The following CYP26B1 variants were observed in gnomAD, a reference collection of about 807,000 sequenced individuals.
CYP26B1 encodes cytochrome P450 family 26 subfamily B member 1, also known as cytochrome P450 26B1.
A neutral mutation model predicts 39.1 loss-of-function variants in CYP26B1; 8 were observed. The ratio of observed to expected loss-of-function variants is 0.20; its 90% CI spans 0.12 to 0.37. CYP26B1 has a LOEUF of 0.37. Among genes scored for constraint, CYP26B1 ranks in the 10% least tolerant of loss-of-function variants. The probability of loss-of-function intolerance (pLI) is 1.00; values close to 1 mark genes in which losing one functional copy is unlikely to be tolerated. For synonymous variants in CYP26B1, 321 were observed against 314.3 expected (o/e 1.02, Z -0.23); for missense variants, 615 against 707.0 (o/e 0.87, Z 1.48).
Position 72,144,307 on chromosome 2 carries a change from C to T in CYP26B1, c.205-94G>A, listed in dbSNP as rs542940279. The stretch of plus-strand genomic sequence containing the variant: ...GGACCCCAACCCGGGGTACAGTCAC[C>T]TGCCCCCTCTCCCCACCAAACACAC... On this transcript the variant is annotated intron_variant, in intron 1 of 5. Transcript: ENST00000001146. 88 of 1,525,068 alleles carry T rather than the reference C, an allele frequency of 5.8e-5. 1 individual carries two copies. The Admixed American group carries it at 7.6e-4, about 13-fold the overall frequency. 94.5% of individuals were successfully genotyped at this position (1,525,068 alleles called of 1,614,324 possible).
In CYP26B1 at chr2:72,130,545, G is replaced by A. The variant is rs1392498679; in HGVS notation, c.*1682C>T. The A allele has an allele frequency of 2.0e-5, 3 of 152,136 alleles. No homozygotes were observed. Among genetic ancestry groups the A allele is most frequent in the Non-Finnish European group, 4.4e-5 (3 of 68,026 alleles). 9.4% of individuals were successfully genotyped at this position (152,136 alleles called of 1,614,324 possible). On this transcript the variant is annotated 3_prime_UTR_variant, in exon 6 of 6. Coordinates refer to ENST00000001146, the MANE Select transcript of CYP26B1 (RefSeq NM_019885.4). ...GAGCCACTGAGGTGCTCACAGCAGC[G>A]ATCGGGGACTGGCATGTCCTTCATT...
intron 1 of CYP26B1, among the ~76,000 whole-genome samples, chr2:72,145,821 C>T (rs1365799461): frequency 6.6e-6 from 1 of 152,024 alleles, no homozygotes; most frequent in Non-Finnish European, 1.5e-5. Flanking sequence ...TTCATAGGGG[C>T]GGCCGCTCGG....
intron 2 of CYP26B1, 90 bp from the exon 3 acceptor site, chr2:72,135,509 G>A: frequency 9.0e-6 from 14 of 1,562,374 alleles, no homozygotes; most frequent in Non-Finnish European, 1.2e-5. Flanking sequence ...AATGTGACTG[G>A]AGAGAACTTC....
Position 72,129,456 on chromosome 2 carries a change from A to G in CYP26B1, c.*2771T>C, listed in dbSNP as rs1378347420. Reference sequence around the variant, plus strand: ...ATTAAAACGACTGTGATAAAAACATATTAATATTTTGAACCATGTTTACAA... The same window carrying G: ...ATTAAAACGACTGTGATAAAAACATGTTAATATTTTGAACCATGTTTACAA... On this transcript the variant is annotated 3_prime_UTR_variant, in exon 6 of 6. Coordinates refer to ENST00000001146, the MANE Select transcript of CYP26B1 (RefSeq NM_019885.4). The G allele has an allele frequency of 6.5e-6, 1 of 152,672 alleles. No individual in the cohort carries two copies. Among genetic ancestry groups the G allele is most frequent in the Non-Finnish European group, 1.5e-5 (1 of 68,042 alleles). The allele number at this position is 152,672 out of a possible 1,614,324, so 9.5% of individuals were successfully genotyped here.
At position 72,144,003 on chromosome 2, in the gene CYP26B1, G is replaced by T; in HGVS notation, c.415C>A (p.Arg139Ser). The T allele has an allele frequency of 1.2e-6, 2 of 1,613,580 alleles. No homozygotes were observed. The highest frequency in any genetic ancestry group is 1.7e-6 in the Non-Finnish European group (2 of 1,180,014). ...AGAGTTCTTACCTTGCGCTTGTTGC[G>T]GTGGATGTCGCCAATGGAATTGGAC... is the stretch of plus-strand genomic sequence containing the variant. ...TVSNSIGDIH[R>S]NKRKVFSKIF... The change falls in exon 2 of 6, where the codon CGC becomes AGC. Residue 139 changes from arginine (R) to serine (S), a missense_variant. Coordinates refer to ENST00000001146, the MANE Select transcript of CYP26B1 (RefSeq NM_019885.4).
chr2:72,133,001 G>A (rs753717016), intron 5 of CYP26B1, 22 bp downstream of exon 5: 24 of 1,612,876 alleles, frequency 1.5e-5, no homozygotes, highest in African/African-American at 6.7e-5. Context: ...CATCGCCCCC[G>A]GTGCCACGGG....
chr2:72,137,330 C>T (rs528591682), intron 2 of CYP26B1, among the ~76,000 whole-genome samples: 53 of 152,220 alleles, frequency 3.5e-4, no homozygotes, highest in Non-Finnish European at 5.1e-4. Context: ...TGGCTATCTG[C>T]TCCCCCAAGC....
At chr2:72,134,180 C>T (rs928226346) in intron 4 of CYP26B1, among the ~76,000 whole-genome samples, 3 of 152,194 alleles carry the variant, frequency 2.0e-5, no homozygotes, top group African/African-American at 7.2e-5. Flanking sequence ...TGTCCATGGG[C>T]ACCCAGCAGT....
intron 2 of CYP26B1, among the ~76,000 whole-genome samples, chr2:72,135,862 A>C (rs1676756913): frequency 6.6e-6 from 1 of 152,150 alleles, no homozygotes; most frequent in Non-Finnish European, 1.5e-5. Flanking sequence ...CTGGGTGCAG[A>C]TTCTAGTAAG....
chr2:72,132,959 G>C (rs1261527097), intron 5 of CYP26B1, 64 bp downstream of exon 5: 7 of 1,607,458 alleles, frequency 4.4e-6, no homozygotes, highest in Non-Finnish European at 5.9e-6. Flanking sequence ...CTGGTGCCCC[G>C]CCTTGCCCCT....
chr2:72,135,556 A>T (rs1022151416), intron 2 of CYP26B1, 137 bp from the exon 3 acceptor site: 6 of 1,280,450 alleles, frequency 4.7e-6, no homozygotes, highest in East Asian at 2.4e-5. Context: ...GGAGCTGGGC[A>T]GGCCAGCTGC....
chr2:72,145,844 A>T (rs1481238982), intron 1 of CYP26B1, among the ~76,000 whole-genome samples: 2 of 152,192 alleles, frequency 1.3e-5, no homozygotes, highest in East Asian at 3.9e-4. Flanking sequence ...CGCGAGTCCA[A>T]TTTATACAAA....
chr2:72,147,363 C>T lies in CYP26B1; in HGVS notation c.204+268G>A, dbSNP rs997197029. On this transcript the variant is annotated intron_variant, in intron 1 of 5. Transcript: ENST00000001146. This position sits in a 1 kb window ranked among gnomAD's most constrained non-coding sequence, Gnocchi z 6.1. ...ACGCCCCCTGCCAGGCCAGCCGCGA[C>T]CCAGGCAAGTCCATCTTGGGAGCCC... Among the ~76,000 whole-genome samples, 2 of 152,190 alleles carry T rather than the reference C, an allele frequency of 1.3e-5. No homozygotes were observed. Among genetic ancestry groups the T allele is most frequent in the Non-Finnish European group, 2.9e-5 (2 of 68,012 alleles).
intron 2 of CYP26B1, among the ~76,000 whole-genome samples, chr2:72,136,343 G>GC (rs1018209905): frequency 1.2e-4 from 18 of 152,000 alleles, no homozygotes; most frequent in African/African-American, 3.6e-4. Flanking sequence ...CTCCCCTACT[G>GC]CCCCCCCAAA....
chr2:72,142,046 A>G (rs1676958133), intron 2 of CYP26B1, among the ~76,000 whole-genome samples: 1 of 152,078 alleles, frequency 6.6e-6, no homozygotes, highest in Non-Finnish European at 1.5e-5. Flanking sequence ...ATCGCGCCTC[A>G]GCCAAGGCTC....
chr2:72,143,705 A>G (rs1481213590), intron 2 of CYP26B1, among the ~76,000 whole-genome samples: 4 of 152,240 alleles, frequency 2.6e-5, no homozygotes, highest in African/African-American at 9.6e-5. Flanking sequence ...GGAGCAAGGC[A>G]AGGACAGGCT....
At chr2:72,140,119 GGGAGAGT>G (rs1264054147) in intron 2 of CYP26B1, among the ~76,000 whole-genome samples, 1 of 152,194 alleles carries the variant, frequency 6.6e-6, no homozygotes, top group Non-Finnish European at 1.5e-5. Flanking sequence ...TTCCAAGGCT[GGGAGAGT>G]GAGCAAACAC....
intron 2 of CYP26B1, among the ~76,000 whole-genome samples, chr2:72,142,549 C>T (rs907466224): frequency 3.3e-5 from 5 of 152,228 alleles, no homozygotes; most frequent in African/African-American, 4.8e-5. Context: ...GACAATAATA[C>T]CCCTCTGGCC....
chr2:72,136,089 C>A (rs1195323001), intron 2 of CYP26B1, among the ~76,000 whole-genome samples: 6 of 152,118 alleles, frequency 3.9e-5, no homozygotes, highest in Admixed American at 3.9e-4. Context: ...CCCCCCTTGC[C>A]ACCCTCCTCA....
Sources: gnomAD v4.1 joint callset for allele counts (sites outside exome capture counted in the v4.1 genomes callset) on GRCh38, gnomAD v4.1.1 for gene constraint, Gnocchi (gnomAD v3.1) non-coding constraint, MANE v1.5 for transcripts, NCBI Gene and HGNC (gene_info 2026-07-23, HGNC 2026-07-21) for gene names.